The following FIP1L1 variants were observed in gnomAD, a reference collection of about 807,000 sequenced individuals.
FIP1L1 encodes pre-mRNA 3'-end-processing factor FIP1.
FIP1L1 carries 21 observed loss-of-function variants against 84.6 expected under a neutral mutation model. The observed-to-expected ratio is 0.25, with a 90% CI of 0.18 to 0.36. FIP1L1 has a LOEUF of 0.36. Among genes scored for constraint, FIP1L1 ranks in the 10% least tolerant of loss-of-function variants. The pLI is 1.00. For missense variants in FIP1L1, 526 were observed against 751.1 expected (o/e 0.70, Z 3.50); for synonymous variants, 263 against 242.3 (o/e 1.09, Z -0.80).
intron 10 of FIP1L1, among the ~76,000 whole-genome samples, chr4:53,404,004 A>G (rs994667820): frequency 1.1e-4 from 9 of 85,468 alleles, no homozygotes; most frequent in Middle Eastern, 0.012. Context: ...CATCGTATAA[A>G]ATGCACTTTT....
intron 10 of FIP1L1, among the ~76,000 whole-genome samples, chr4:53,402,634 A>G (rs1174833723): frequency 1.3e-5 from 2 of 152,286 alleles, no homozygotes; most frequent in South Asian, 4.1e-4. Flanking sequence ...CCCAGGAGGT[A>G]GAGGTTGCAG....
At chr4:53,457,666 A>T (rs1244651463) in intron 16 of FIP1L1, among the ~76,000 whole-genome samples, 1 of 152,182 alleles carries the variant, frequency 6.6e-6, no homozygotes, top group Non-Finnish European at 1.5e-5. Flanking sequence ...CATAATTCAT[A>T]TTAAACACTT....
chr4:53,407,435 T>C (rs898260048), intron 10 of FIP1L1, among the ~76,000 whole-genome samples: 6 of 152,184 alleles, frequency 3.9e-5, no homozygotes, highest in Non-Finnish European at 8.8e-5. Flanking sequence ...TCCATCTATG[T>C]GGTCAGTTTT....
Position 53,377,667 on chromosome 4 carries a change from G to T in FIP1L1, c.-172G>T, listed in dbSNP as rs1300906145. On this transcript the variant is annotated 5_prime_UTR_variant, in exon 1 of 18. Transcript: ENST00000337488. Reference sequence around the variant, plus strand: ...CGCATGCGCAGACGGACCTGCGCTGGAGGCTTCATCTTTGCCGCCGCTGCC... The same window carrying T: ...CGCATGCGCAGACGGACCTGCGCTGTAGGCTTCATCTTTGCCGCCGCTGCC... 3 of 589,694 alleles carry T rather than the reference G, an allele frequency of 5.1e-6. No homozygotes were observed. The highest frequency in any genetic ancestry group is 8.6e-6 in the Non-Finnish European group (3 of 348,726). The allele number at this position is 589,694 out of a possible 1,614,324, so 36.5% of individuals were successfully genotyped here.
rs1185441037 is a variant in FIP1L1, at chr4:53,414,818, A to G, written c.923+96A>G. 3.4e-5 allele frequency: 27 copies of G among 785,334 alleles called. No homozygotes were observed. In the East Asian group the frequency reaches 6.7e-4, roughly 19 times the overall value. The allele number at this position is 785,334 out of a possible 1,614,324, so 48.6% of individuals were successfully genotyped here. A position where few individuals can be genotyped will look rare whatever the true frequency, so the allele number is the denominator to read the frequency against. On this transcript the variant is annotated intron_variant, in intron 11 of 17. Coordinates refer to ENST00000337488, the MANE Select transcript of FIP1L1 (RefSeq NM_030917.4). The stretch of plus-strand genomic sequence containing the variant: ...AGATAATAAATTTTGACTGTACCAT[A>G]TTTTTACCCTCCAACTTATGCTTTT...
intron 16 of FIP1L1, among the ~76,000 whole-genome samples, chr4:53,454,058 T>G (rs1051173981): frequency 6.6e-6 from 1 of 152,202 alleles, no homozygotes; most frequent in Non-Finnish European, 1.5e-5. Flanking sequence ...AACACACTTA[T>G]GTGTTAAGTT....
chr4:53,378,933 C>T, intron 1 of FIP1L1, 140 bp from the exon 2 acceptor site: 1 of 826,792 alleles, frequency 1.2e-6, no homozygotes, highest in Non-Finnish European at 1.9e-6. Flanking sequence ...TGTAGGATTT[C>T]TTTTACAAAG....
intron 3 of FIP1L1, among the ~76,000 whole-genome samples, chr4:53,379,524 CTT>C (rs1213802559): frequency 1.5e-4 from 23 of 152,168 alleles, no homozygotes; most frequent in Admixed American, 1.4e-3. Flanking sequence ...ACTTGTTACT[CTT>C]AAGTGAATTC....
At chr4:53,430,400 G>A (rs1766103379) in intron 13 of FIP1L1, among the ~76,000 whole-genome samples, 1 of 137,394 alleles carries the variant, frequency 7.3e-6, no homozygotes, top group Non-Finnish European at 1.5e-5. Flanking sequence ...CCAGGCTGGA[G>A]TGCAGTGGTG....
At chr4:53,445,123 T>G (rs1314405655) in intron 15 of FIP1L1, among the ~76,000 whole-genome samples, 4 of 152,320 alleles carry the variant, frequency 2.6e-5, no homozygotes, top group Non-Finnish European at 1.5e-5. Context: ...ATGTAGAGAC[T>G]GTGTGCTTAT....
chr4:53,452,412 G>A (rs556716490), intron 15 of FIP1L1, among the ~76,000 whole-genome samples: 9 of 151,744 alleles, frequency 5.9e-5, no homozygotes, highest in Admixed American at 2.0e-4. Context: ...TCCGCCTCCC[G>A]GGTTCAAGTG....
At chr4:53,381,296 A>G (rs1737731103) in intron 3 of FIP1L1, among the ~76,000 whole-genome samples, 3 of 152,296 alleles carry the variant, frequency 2.0e-5, no homozygotes, top group South Asian at 4.1e-4. Context: ...AGTTCCTGCT[A>G]TTAGAATTTG....
chr4:53,379,342 C>T, intron 3 of FIP1L1, 78 bp downstream of exon 3: 2 of 1,255,848 alleles, frequency 1.6e-6, no homozygotes, highest in Non-Finnish European at 2.2e-6. Context: ...AAATTATTTT[C>T]TTACAATCAT....
chr4:53,411,403 T>G (rs923841588), intron 10 of FIP1L1, among the ~76,000 whole-genome samples: 3 of 152,178 alleles, frequency 2.0e-5, no homozygotes, highest in African/African-American at 7.2e-5. Flanking sequence ...CCACAACTCA[T>G]TAGGAAAGTT....
At chr4:53,439,776 A>G (rs955821967) in intron 13 of FIP1L1, among the ~76,000 whole-genome samples, 1 of 151,984 alleles carries the variant, frequency 6.6e-6, no homozygotes, top group Admixed American at 6.5e-5. Context: ...CATGCCACAT[A>G]AATTGCCTTT....
intron 9 of FIP1L1, among the ~76,000 whole-genome samples, chr4:53,395,479 G>T (rs191615069): frequency 1.5e-4 from 23 of 152,240 alleles, no homozygotes; most frequent in African/African-American, 4.8e-4. Context: ...TTAGGCTTTG[G>T]GGGGAAGGGG....
At chr4:53,426,515 CATTTCAG>C (rs1764430620) in intron 12 of FIP1L1, among the ~76,000 whole-genome samples, 3 of 152,004 alleles carry the variant, frequency 2.0e-5, no homozygotes, top group Admixed American at 2.0e-4. Context: ...GATTTTAGAG[CATTTCAG>C]ATTTCAGATT....
At chr4:53,457,047 A>G (rs1719496712) in intron 16 of FIP1L1, among the ~76,000 whole-genome samples, 1 of 152,126 alleles carries the variant, frequency 6.6e-6, no homozygotes, top group African/African-American at 2.4e-5. Flanking sequence ...ATGATACTAA[A>G]AAGTTCTGCT....
At chr4:53,439,090 T>C (rs1770777617) in intron 13 of FIP1L1, among the ~76,000 whole-genome samples, 1 of 152,160 alleles carries the variant, frequency 6.6e-6, no homozygotes, top group Non-Finnish European at 1.5e-5. Flanking sequence ...GTGTCCGTAT[T>C]GTTCTAAAGA....
Sources: allele counts gnomAD v4.1 joint callset (sites outside exome capture counted in the v4.1 genomes callset), GRCh38; gene constraint gnomAD v4.1.1; transcripts MANE v1.5; gene names NCBI Gene and HGNC (gene_info 2026-07-23, HGNC 2026-07-21).